The following CCDC73 variants were observed in gnomAD, a reference collection of about 807,000 sequenced individuals.
CCDC73 encodes the protein coiled-coil domain-containing protein 73.
In CCDC73, 95 loss-of-function variants were observed where a neutral mutation model predicts 116.5. The ratio of observed to expected loss-of-function variants is 0.82; its 90% CI spans 0.69 to 0.97. CCDC73 has a LOEUF of 0.97. Ranked by LOEUF, CCDC73 falls within the 50% of genes least tolerant of loss-of-function variation. CCDC73 has a pLI of 0.00. For missense variants in CCDC73, 1,066 were observed against 1,206.8 expected, an observed-to-expected ratio of 0.88 and a Z score of 1.73; for synonymous variants, 398 against 401.3, an observed-to-expected ratio of 0.99 and a Z score of 0.10.
At chr11:32,730,243 T>C (rs1036621276) in intron 2 of CCDC73, among the ~76,000 whole-genome samples, 1 of 152,242 alleles carries the variant, frequency 6.6e-6, no homozygotes, top group Non-Finnish European at 1.5e-5. Flanking sequence ...GCATTCCACA[T>C]AGCAAACCCC....
At chr11:32,659,559 A>G (rs1855903415) in intron 9 of CCDC73, among the ~76,000 whole-genome samples, 1 of 152,238 alleles carries the variant, frequency 6.6e-6, no homozygotes, top group Non-Finnish European at 1.5e-5. Flanking sequence ...TGGAAAAGTT[A>G]ACTATGACAT....
At chr11:32,792,351 CAT>C (rs1243172908) in intron 1 of CCDC73, among the ~76,000 whole-genome samples, 6 of 152,016 alleles carry the variant, frequency 3.9e-5, no homozygotes, top group Admixed American at 3.3e-4. Flanking sequence ...AGTATTGACT[CAT>C]GTGTAAGTAT....
In CCDC73 at chr11:32,739,480, T is replaced by C. The variant is rs369380889; in HGVS notation, c.135+20629A>G. On this transcript the variant is annotated intron_variant, in intron 2 of 17. Coordinates refer to ENST00000335185, the MANE Select transcript of CCDC73 (RefSeq NM_001008391.4). ...GCTATTGTAAATGAGATTACTTTCT[T>C]GACTTCTTTTTCAGATTGCTTGCTG... Among the ~76,000 whole-genome samples the C allele has an allele frequency of 2.0e-5, 3 of 152,274 alleles. No individual in the cohort carries two copies. The East Asian group carries it at 5.8e-4, about 29-fold the overall frequency.
intron 9 of CCDC73, among the ~76,000 whole-genome samples, chr11:32,669,816 A>G (rs905676658): frequency 6.6e-6 from 1 of 152,238 alleles, no homozygotes; most frequent in African/African-American, 2.4e-5. Flanking sequence ...GTGGCTGAAT[A>G]GTACTCCACT....
At chr11:32,728,580 G>A (rs914098906) in intron 2 of CCDC73, among the ~76,000 whole-genome samples, 2 of 151,924 alleles carry the variant, frequency 1.3e-5, no homozygotes, top group Non-Finnish European at 1.5e-5. Flanking sequence ...AGGCCCTCTC[G>A]GGAGACAAAG....
intron 2 of CCDC73, among the ~76,000 whole-genome samples, chr11:32,742,810 T>G (rs1049412405): frequency 6.6e-6 from 1 of 152,214 alleles, no homozygotes; most frequent in East Asian, 1.9e-4. Flanking sequence ...AAGTCTTTGA[T>G]CCATCTTGAG....
chr11:32,695,296 G>A (rs1856299432), intron 6 of CCDC73, among the ~76,000 whole-genome samples: 1 of 151,670 alleles, frequency 6.6e-6, no homozygotes, highest in African/African-American at 2.4e-5. Flanking sequence ...TTGAACCCAG[G>A]AGGTAGAAGT....
intron 2 of CCDC73, among the ~76,000 whole-genome samples, chr11:32,742,999 T>C (rs924989991): frequency 6.6e-6 from 1 of 152,348 alleles, no homozygotes; most frequent in Admixed American, 6.5e-5. Flanking sequence ...GCCTCCATTC[T>C]GTTCCATTGG....
chr11:32,806,132 A>G, the CCDC73 span, among the ~76,000 whole-genome samples: 1 of 152,232 alleles, frequency 6.6e-6, no homozygotes, highest in East Asian at 1.9e-4. Context: ...ACATTGCCCT[A>G]TGTGAACTTC....
chr11:32,807,020 A>G, the CCDC73 span, among the ~76,000 whole-genome samples: 1 of 152,348 alleles, frequency 6.6e-6, no homozygotes, highest in Non-Finnish European at 1.5e-5. Flanking sequence ...GAGCAAGAGC[A>G]GCCACCCTGA....
Position 32,760,184 on chromosome 11 carries a change from C to T in CCDC73, c.60G>A (p.Glu20=), listed in dbSNP as rs894276325. The change falls in exon 2 of 18, where the codon GAG becomes GAA. Residue 20 remains glutamate (E), a synonymous_variant. Transcript: ENST00000335185. ...SSTFTLQSSS[E]TLFSIQLLDF... ...CTAATAGCTGAATAGAAAACAATGT[C>T]TCTGAAGAACTTTGAAGAGTAAAAG... 1.9e-6 allele frequency: 3 copies of T among 1,597,918 alleles called. No individual in the cohort carries two copies. In the East Asian group the frequency reaches 6.7e-5, roughly 36 times the overall value.
Position 32,685,266 on chromosome 11 carries a change from C to CAA in CCDC73, c.391-1694_391-1693dup, listed in dbSNP as rs35408326. Among the ~76,000 whole-genome samples, 426 of 93,296 alleles carry CAA rather than the reference C, an allele frequency of 4.6e-3. 6 individuals are homozygous for CAA. Among genetic ancestry groups the CAA allele is most frequent in the East Asian group, 0.019 (64 of 3,350 alleles). The allele number at this position is 93,296 out of a possible 152,430, so 61.2% of individuals were successfully genotyped here. On this transcript the variant is annotated intron_variant, in intron 6 of 17. Coordinates refer to ENST00000335185, the MANE Select transcript of CCDC73 (RefSeq NM_001008391.4). ...AGACATTGGGGGTACAACACTGGAC[C>CAA]AAAAAAAAAAAAAAAAAAAAACTCC...
At chr11:32,673,287 A>G (rs910717873) in intron 9 of CCDC73, among the ~76,000 whole-genome samples, 1 of 152,176 alleles carries the variant, frequency 6.6e-6, no homozygotes, top group Non-Finnish European at 1.5e-5. Context: ...AGGATGTGAT[A>G]GTGGGAGAGG....
In CCDC73 at chr11:32,730,892, G is replaced by T. The variant is rs182848707; in HGVS notation, c.136-12745C>A. ...TTCTGCATTTCCAACTGAGGTACCG[G>T]GTGCATCTCACTGGGGCTTGTCGGA... is the stretch of plus-strand genomic sequence containing the variant. On this transcript the variant is annotated intron_variant, in intron 2 of 17. Coordinates refer to ENST00000335185, the MANE Select transcript of CCDC73 (RefSeq NM_001008391.4). 3.3e-5 allele frequency among the ~76,000 whole-genome samples: 5 copies of T among 152,276 alleles called. No individual in the cohort carries two copies. The East Asian group carries it at 9.7e-4, about 29-fold the overall frequency.
chr11:32,758,488 C>T, intron 2 of CCDC73: 1 of 461,100 alleles, frequency 2.2e-6, no homozygotes, highest in Non-Finnish European at 4.3e-6. Context: ...AATGTGTCAG[C>T]AGAGCCTATG....
At chr11:32,655,771 A>G (rs1243015812) in intron 9 of CCDC73, among the ~76,000 whole-genome samples, 3 of 152,198 alleles carry the variant, frequency 2.0e-5, no homozygotes, top group Admixed American at 2.0e-4. Context: ...CAAAATTTGC[A>G]TTTTAGAAAA....
intron 14 of CCDC73, among the ~76,000 whole-genome samples, chr11:32,629,684 C>T (rs1265485279): frequency 6.7e-6 from 1 of 149,748 alleles, no homozygotes; most frequent in African/African-American, 2.5e-5. Flanking sequence ...CGTAAGCCTC[C>T]GTGCCCAGCC....
Position 32,760,120 on chromosome 11 carries a change from G to A in CCDC73, c.124C>T (p.Arg42Cys), listed in dbSNP as rs559461829. The A allele has an allele frequency of 2.8e-5, 44 of 1,598,338 alleles. No individual in the cohort carries two copies. The highest frequency in any genetic ancestry group is 3.4e-5 in the South Asian group (3 of 87,594). The change falls in exon 2 of 18, where the codon CGT (arginine) becomes TGT (cysteine). Residue 42 changes from arginine to cysteine, a missense_variant. Transcript: ENST00000335185. ...AAAAAGGAGCTTACCCTTCTCATAC[G>A]CAATTCTTCTAATGCCTCCAGTAAA... ...TSLLEALEELRMRREAEIHYE... is the reference protein window; with the variant it reads ...TSLLEALEELCMRREAEIHYE...
intron 2 of CCDC73, among the ~76,000 whole-genome samples, chr11:32,749,177 G>A (rs1340562742): frequency 6.6e-6 from 1 of 151,920 alleles, no homozygotes; most frequent in Non-Finnish European, 1.5e-5. Context: ...AAAACACTTA[G>A]ATTTGCCCTT....
Sources: gnomAD v4.1 joint callset for allele counts (sites outside exome capture counted in the v4.1 genomes callset) on GRCh38, gnomAD v4.1.1 for gene constraint, MANE v1.5 for transcripts, NCBI Gene and HGNC (gene_info 2026-07-23, HGNC 2026-07-21) for gene names.